SAP130: variants seen among roughly 807,000 people sequenced by gnomAD.
The protein encoded by SAP130 is histone deacetylase complex subunit SAP130.
A neutral mutation model predicts 103.2 loss-of-function variants in SAP130; 16 were observed. That is an observed-to-expected ratio of 0.16 (90% confidence interval 0.10 to 0.24). SAP130 has a LOEUF of 0.24. Among genes scored for constraint, SAP130 ranks in the 10% least tolerant of loss-of-function variants. The pLI, the probability that SAP130 is intolerant of heterozygous loss-of-function variation, is 1.00. For missense variants in SAP130, 990 were observed against 1,359.7 expected, an observed-to-expected ratio of 0.73 and a Z score of 4.28; for synonymous variants, 477 against 497.0, an observed-to-expected ratio of 0.96 and a Z score of 0.53.
rs1679014072 is a variant in SAP130, at chr2:127,945,517, C to T, written c.2840G>A (p.Gly947Glu). Reference protein sequence around the residue: ...AMLQEIANQKGVSCRAQGWKV... With the variant: ...AMLQEIANQKEVSCRAQGWKV... ...CCAGCCTTGAGCACGACAGGATACT[C>T]CTTTCTGATTAGCTATTTCCTGCAG... The change falls in exon 19 of 21, where the codon GGA becomes GAA. Residue 947 changes from glycine (G) to glutamate (E), a missense_variant. By Grantham distance (98) the Gly-to-Glu change is moderately conservative. Around this residue, in one of 6 missense-constraint regions of SAP130, gnomAD observed 69 missense variants for 165.7 expected, o/e 0.42. Coordinates refer to ENST00000643581, the MANE Select transcript of SAP130 (RefSeq NM_001330301.2). The T allele has an allele frequency of 6.2e-7, 1 of 1,613,246 alleles. No homozygotes were observed. The highest frequency in any genetic ancestry group is 1.7e-5 in the Admixed American group (1 of 59,998).
chr2:128,024,978 A>C (rs1303704493), intron 2 of SAP130, among the ~76,000 whole-genome samples: 1 of 133,302 alleles, frequency 7.5e-6, no homozygotes, highest in Non-Finnish European at 1.5e-5. Flanking sequence ...CTGCCGCTTG[A>C]GTGACAGAGT....
At chr2:128,013,348 A>G (rs957904987) in intron 5 of SAP130, among the ~76,000 whole-genome samples, 194 bp from the exon 6 acceptor site, 3 of 152,156 alleles carry the variant, frequency 2.0e-5, no homozygotes, top group African/African-American at 7.2e-5. Flanking sequence ...TTGCCTCTTC[A>G]CAGACAACCT....
At chr2:128,013,338 T>C (rs1331461856) in intron 5 of SAP130, among the ~76,000 whole-genome samples, 184 bp from the exon 6 acceptor site, 3 of 152,186 alleles carry the variant, frequency 2.0e-5, no homozygotes, top group East Asian at 3.8e-4. Flanking sequence ...ATAATTTATA[T>C]TGCCTCTTCA....
At chr2:128,025,539 T>C (rs952331002) in intron 2 of SAP130, among the ~76,000 whole-genome samples, 1 of 152,234 alleles carries the variant, frequency 6.6e-6, no homozygotes, top group South Asian at 2.1e-4. Flanking sequence ...AAAACCCTGC[T>C]TGCATCTGTA....
In SAP130 at chr2:127,942,459, C is replaced by T. The variant is rs761496717; in HGVS notation, c.2980G>A (p.Asp994Asn). 1 of 1,613,822 alleles carries T rather than the reference C, an allele frequency of 6.2e-7. No homozygotes were observed. Among genetic ancestry groups the T allele is most frequent in the Non-Finnish European group, 8.5e-7 (1 of 1,179,724 alleles). ...TCGTTTATTCGGTGGAGATCATCAT[C>T]TGTTGCTGCTTTTTTCTTTGGGATA... Reference protein sequence around the residue: ...GIIPKKKAATDDDLHRINELI... With the variant: ...GIIPKKKAATNDDLHRINELI... The change falls in exon 20 of 21, where the codon GAT becomes AAT. Residue 994 changes from aspartate (D) to asparagine (N), a missense_variant. By Grantham distance (23) the Asp-to-Asn change is conservative. Coordinates refer to ENST00000643581, the MANE Select transcript of SAP130 (RefSeq NM_001330301.2). The surrounding 1 kb of genome is among the most constrained non-coding windows in gnomAD (Gnocchi z 4.8).
rs574698181 is a variant in SAP130, at chr2:127,962,850, C to T, written c.2064-7506G>A. ...ATATGTAACAAACCTGCACGTTGTG[C>T]ACATGTACCCTAAAACTTAAAGTAT... On this transcript the variant is annotated intron_variant, in intron 15 of 20. Transcript: ENST00000643581. Among the ~76,000 whole-genome samples, 295 of 150,380 alleles carry T rather than the reference C, an allele frequency of 2.0e-3. 3 individuals are homozygous for T. The highest frequency in any genetic ancestry group is 6.8e-3 in the African/African-American group (277 of 40,832).
At chr2:128,017,979 A>G in intron 2 of SAP130, 64 bp from the exon 3 acceptor site, 3 of 1,314,040 alleles carry the variant, frequency 2.3e-6, no homozygotes, top group South Asian at 1.3e-5. Context: ...AGCAGCACAG[A>G]CAAGAGTGGT....
At chr2:127,971,360 A>T (rs1409397313) in intron 15 of SAP130, among the ~76,000 whole-genome samples, 1 of 144,384 alleles carries the variant, frequency 6.9e-6, no homozygotes, top group African/African-American at 2.6e-5. Context: ...ATCTCGGCTC[A>T]CTGCAAGCTC....
chr2:128,001,957 T>C (rs1447740941), intron 7 of SAP130, among the ~76,000 whole-genome samples: 2 of 151,660 alleles, frequency 1.3e-5, no homozygotes, highest in African/African-American at 4.8e-5. Context: ...AGATGGAGTC[T>C]CACTCTGTCA....
intron 18 of SAP130, among the ~76,000 whole-genome samples, chr2:127,949,471 A>G (rs1679343718): frequency 1.3e-5 from 2 of 152,204 alleles, no homozygotes; most frequent in African/African-American, 4.8e-5. Flanking sequence ...AATGCTTACA[A>G]TGCATGCGTA....
rs1225920584 is a variant in SAP130 at position 128,017,945 on chromosome 2, T to G, written c.113-30A>C. 1.9e-6 allele frequency: 3 copies of G among 1,558,730 alleles called. No individual in the cohort carries two copies. In the East Asian group the frequency reaches 6.7e-5, roughly 35 times the overall value. ...TAAAGACATTAAGAGTGAGACAGTA[T>G]GTCACAGTCTCCCAGTGTAAGATAG... On this transcript the variant is annotated intron_variant, in intron 2 of 20. Transcript: ENST00000643581.
chr2:127,944,109 G>A (rs1415858924), intron 19 of SAP130, among the ~76,000 whole-genome samples: 3 of 152,068 alleles, frequency 2.0e-5, no homozygotes, highest in Non-Finnish European at 4.4e-5. Context: ...ATGGCTAAGG[G>A]CAGCCTTGGT....
rs1559081137 is a variant in SAP130 at position 127,996,972 on chromosome 2, CAAAA to C, written c.1214-485_1214-482del. Among the ~76,000 whole-genome samples the C allele has an allele frequency of 1.3e-5, 2 of 151,992 alleles. No homozygotes were observed. Among genetic ancestry groups the C allele is most frequent in the African/African-American group, 4.8e-5 (2 of 41,392 alleles). ...TTAAAAAACGGAAAAAACAAACAAACAAAAAACCTTGGATTCTACTCCAGGTCCA... is the reference window on the plus strand; with the variant it reads ...TTAAAAAACGGAAAAAACAAACAAACAACCTTGGATTCTACTCCAGGTCCA... On this transcript the variant is annotated intron_variant, in intron 10 of 20. Transcript: ENST00000643581. The surrounding 1 kb of genome is among the most constrained non-coding windows in gnomAD (Gnocchi z 4.3).
At chr2:128,025,003 CAAA>C (rs35797540) in intron 2 of SAP130, among the ~76,000 whole-genome samples, 1 of 100,266 alleles carries the variant, frequency 1.0e-5, no homozygotes. Flanking sequence ...CCCTATTGCG[CAAA>C]AAAAAAAAAA....
rs1418148304 is a variant in SAP130, at chr2:128,027,468, G to C, written c.-7+472C>G. 5.2e-6 allele frequency: 5 copies of C among 965,554 alleles called. No individual in the cohort carries two copies. In the East Asian group the frequency reaches 5.8e-4, roughly 111 times the overall value. The allele number at this position is 965,554 out of a possible 1,614,324, so 59.8% of individuals were successfully genotyped here. A position where few individuals can be genotyped will look rare whatever the true frequency, so the allele number is the denominator to read the frequency against. On this transcript the variant is annotated intron_variant, in intron 1 of 20. Transcript: ENST00000643581. Reference sequence around the variant, plus strand: ...GGCCGGGGCAGCCCAAACCCCTCGAGGCTGAGCCAATGGCAGAGGAAGACA... The same window carrying C: ...GGCCGGGGCAGCCCAAACCCCTCGACGCTGAGCCAATGGCAGAGGAAGACA...
Position 128,014,827 on chromosome 2 carries a change from T to C in SAP130, c.595A>G (p.Ile199Val). 2 of 1,613,926 alleles carry C rather than the reference T, an allele frequency of 1.2e-6. No homozygotes were observed. The highest frequency in any genetic ancestry group is 1.1e-5 in the South Asian group (1 of 91,070). Reference protein sequence around the residue: ...RSNAPGPPLHIGASHLPRGAA... With the variant: ...RSNAPGPPLHVGASHLPRGAA... ...CCTCGAGGTAAATGAGAAGCTCCAA[T>C]GTGAAGAGGGGGCCCAGGAGCATTG... Residue 199 changes from isoleucine to valine, a missense_variant, in exon 5 of 21, where the codon ATT (isoleucine) becomes GTT (valine). Around this residue, in one of 6 missense-constraint regions of SAP130, gnomAD observed 336 missense variants for 520.1 expected, o/e 0.65. Coordinates refer to ENST00000643581, the MANE Select transcript of SAP130 (RefSeq NM_001330301.2).
chr2:127,963,195 T>C (rs891466268), intron 15 of SAP130, among the ~76,000 whole-genome samples: 1 of 152,110 alleles, frequency 6.6e-6, no homozygotes, highest in Non-Finnish European at 1.5e-5. Flanking sequence ...TTGACAAAAG[T>C]AGTTTGTTTT....
At chr2:128,014,659 A>G in intron 5 of SAP130, 144 bp downstream of exon 5, 2 of 616,714 alleles carry the variant, frequency 3.2e-6, no homozygotes, top group South Asian at 4.3e-5. Flanking sequence ...TAAATAAAAG[A>G]GGTTTATTTG....
intron 19 of SAP130, among the ~76,000 whole-genome samples, chr2:127,943,877 T>C (rs534405340): frequency 6.4e-4 from 97 of 152,376 alleles, no homozygotes; most frequent in African/African-American, 2.2e-3. Flanking sequence ...AACCGTAGCA[T>C]ACTCTTTTTA....
Sources: allele counts gnomAD v4.1 joint callset (sites outside exome capture counted in the v4.1 genomes callset), GRCh38; gene constraint gnomAD v4.1.1; regional missense constraint gnomAD v4.1.1; non-coding constraint Gnocchi (gnomAD v3.1); transcripts MANE v1.5; gene names NCBI Gene and HGNC (gene_info 2026-07-23, HGNC 2026-07-21).